Variants in EXT2 observed in about 807,000 individuals in gnomAD.
EXT2 encodes the protein exostosin glycosyltransferase 2, also known as exostosin-2.
A neutral mutation model predicts 81.6 loss-of-function variants in EXT2; 53 were observed. The observed-to-expected ratio is 0.65, with a 90% CI of 0.52 to 0.82. The LOEUF is 0.82. Ranked by LOEUF, EXT2 falls within the 40% of genes least tolerant of loss-of-function variation. EXT2 has a pLI of 0.00. For synonymous variants in EXT2, 320 were observed against 340.0 expected (o/e 0.94, Z 0.65); for missense variants, 774 against 910.2 (o/e 0.85, Z 1.93).
intron 8 of EXT2, among the ~76,000 whole-genome samples, chr11:44,180,350 A>T (rs2135147361): frequency 6.6e-6 from 1 of 152,210 alleles, no homozygotes; most frequent in South Asian, 2.1e-4. Flanking sequence ...GCATTATTAG[A>T]GCTGTATAAA....
intron 9 of EXT2, among the ~76,000 whole-genome samples, chr11:44,201,477 C>T (rs1230171298): frequency 6.6e-6 from 1 of 152,120 alleles, no homozygotes; most frequent in Non-Finnish European, 1.5e-5. Context: ...TCCCATTTTA[C>T]AAAAATAAGA....
intron 10 of EXT2, among the ~76,000 whole-genome samples, chr11:44,231,068 T>A (rs1955893162): frequency 1.3e-5 from 2 of 152,206 alleles, no homozygotes; most frequent in South Asian, 4.1e-4. Flanking sequence ...CAGAATACCC[T>A]AATATTCTTT....
At chr11:44,156,535 T>C (rs1046285211) in intron 7 of EXT2, among the ~76,000 whole-genome samples, 1 of 152,232 alleles carries the variant, frequency 6.6e-6, no homozygotes, top group African/African-American at 2.4e-5. Context: ...GAATGGAAAT[T>C]TTTAGCTCCA....
At chr11:44,160,143 G>C (rs1419051506) in intron 7 of EXT2, among the ~76,000 whole-genome samples, 1 of 152,184 alleles carries the variant, frequency 6.6e-6, no homozygotes, top group African/African-American at 2.4e-5. Context: ...GGAAGTGTGG[G>C]GATGCCCCCA....
At position 44,220,330 on chromosome 11, in the gene EXT2, T is replaced by C. The variant is rs1019525189; in HGVS notation, c.1663-12023T>C. On this transcript the variant is annotated intron_variant, in intron 10 of 13. Transcript: ENST00000533608. The surrounding 1 kb of genome is among the most constrained non-coding windows in gnomAD (Gnocchi z 4.4). ...GTGTGAGCTGTCTTTGAGCCTTGTG[T>C]ATATATCTGAGTAAGCAACAGTTCC... Among the ~76,000 whole-genome samples the C allele has an allele frequency of 2.6e-5, 4 of 152,182 alleles. No individual in the cohort carries two copies. The highest frequency in any genetic ancestry group is 4.8e-5 in the African/African-American group (2 of 41,438).
chr11:44,107,245 G>A lies in EXT2; in HGVS notation c.-30-438G>A, dbSNP rs150463435. 6.8e-3 allele frequency among the ~76,000 whole-genome samples: 1,041 copies of A among 152,070 alleles called. 9 individuals carry two copies. The highest frequency in any genetic ancestry group is 0.023 in the African/African-American group (959 of 41,488). On this transcript the variant is annotated intron_variant, in intron 1 of 13. Coordinates refer to ENST00000533608, the MANE Select transcript of EXT2 (RefSeq NM_207122.2). ...ATATTTCTAAATGTTTATAAGAAGT[G>A]TCCAAAGTCCCTTTTTGTTATTTCA...
In EXT2 at chr11:44,250,705, C is replaced by A. The variant is rs1470725567; in HGVS notation, c.*6418C>A. 6.6e-6 allele frequency among the ~76,000 whole-genome samples: 1 copy of A among 152,176 alleles called. No individual in the cohort carries two copies. Among genetic ancestry groups the A allele is most frequent in the Non-Finnish European group, 1.5e-5 (1 of 68,038 alleles). On this transcript the variant is annotated 3_prime_UTR_variant, in exon 14 of 14. Transcript: ENST00000533608. Reference sequence around the variant, plus strand: ...CTCTTTTGAGGAGTCCAGAGAGCGTCCATCCGGTGCCTGGTGAGGGCCCTG... The same window carrying A: ...CTCTTTTGAGGAGTCCAGAGAGCGTACATCCGGTGCCTGGTGAGGGCCCTG...
At chr11:44,177,197 G>A (rs999046077) in intron 8 of EXT2, among the ~76,000 whole-genome samples, 1 of 152,174 alleles carries the variant, frequency 6.6e-6, no homozygotes, top group Admixed American at 6.5e-5. Context: ...CCAAGTTAAG[G>A]TTCTTTATTA....
At chr11:44,181,107 A>G (rs1451829991) in intron 8 of EXT2, among the ~76,000 whole-genome samples, 1 of 152,190 alleles carries the variant, frequency 6.6e-6, no homozygotes, top group East Asian at 1.9e-4. Context: ...TCTCAAAAAA[A>G]AAAAAAGTTT....
intron 8 of EXT2, among the ~76,000 whole-genome samples, chr11:44,181,317 G>T (rs1028537562): frequency 5.9e-5 from 9 of 151,994 alleles, no homozygotes; most frequent in African/African-American, 2.2e-4. Context: ...CAAATTCTGT[G>T]TTCTAAAATT....
At chr11:44,176,608 G>A (rs534627123) in intron 8 of EXT2, among the ~76,000 whole-genome samples, 1 of 152,270 alleles carries the variant, frequency 6.6e-6, no homozygotes, top group South Asian at 2.1e-4. Flanking sequence ...CTGATGGGAG[G>A]CCTGAATAGC....
At chr11:44,209,180 G>C (rs1303507900) in intron 10 of EXT2, among the ~76,000 whole-genome samples, 1 of 152,238 alleles carries the variant, frequency 6.6e-6, no homozygotes, top group Non-Finnish European at 1.5e-5. Flanking sequence ...CACATGGAAA[G>C]TGGGATTCCC....
intron 8 of EXT2, among the ~76,000 whole-genome samples, chr11:44,174,076 A>C (rs892408342): frequency 6.6e-6 from 1 of 152,186 alleles, no homozygotes; most frequent in Non-Finnish European, 1.5e-5. Flanking sequence ...CTAGTTCTCC[A>C]TGTCTTCAGC....
chr11:44,108,306 C>CTA, intron 2 of EXT2, 58 bp downstream of exon 2: 1 of 1,565,666 alleles, frequency 6.4e-7, no homozygotes. Flanking sequence ...CCTCAGGGAA[C>CTA]TAAAGGGAAG....
chr11:44,098,112 A>T (rs1286953221), intron 1 of EXT2, among the ~76,000 whole-genome samples: 5 of 152,016 alleles, frequency 3.3e-5, no homozygotes, highest in Non-Finnish European at 5.9e-5. Flanking sequence ...GTATGGAATA[A>T]ACCTTCATTA....
At chr11:44,186,714 A>G (rs1955315854) in intron 8 of EXT2, among the ~76,000 whole-genome samples, 1 of 152,220 alleles carries the variant, frequency 6.6e-6, no homozygotes, top group South Asian at 2.1e-4. Flanking sequence ...AAATTCCTAA[A>G]CTGCACGTTT....
Position 44,108,124 on chromosome 11 carries a change from T to G in EXT2, c.412T>G (p.Ser138Ala), listed in dbSNP as rs200863207. 4.3e-6 allele frequency: 7 copies of G among 1,614,154 alleles called. No homozygotes were observed. In the African/African-American group the frequency reaches 8.0e-5, roughly 18 times the overall value. Residue 138 changes from serine to alanine, a missense_variant, in exon 2 of 14, where the codon TCA (serine) becomes GCA (alanine). Physicochemically the swap from Ser to Ala is moderately conservative, Grantham distance 99. Around this residue, in one of 2 missense-constraint regions of EXT2, gnomAD observed 626 missense variants for 670.5 expected, o/e 0.93. Coordinates refer to ENST00000533608, the MANE Select transcript of EXT2 (RefSeq NM_207122.2). The part of the protein sequence containing the change: ...REYNELLMAI[S>A]DSDYYTDDIN... ...GTATAATGAACTGCTCATGGCCATCTCAGACAGTGACTACTACACTGATGA... is the reference window on the plus strand; with the variant it reads ...GTATAATGAACTGCTCATGGCCATCGCAGACAGTGACTACTACACTGATGA...
At chr11:44,232,557 A>G in intron 11 of EXT2, 61 bp downstream of exon 11, 1 of 1,599,584 alleles carries the variant, frequency 6.3e-7, no homozygotes. Flanking sequence ...ATTTTATTTG[A>G]CCCAATTTAA....
chr11:44,135,854 A>T (rs1166229513), intron 7 of EXT2, among the ~76,000 whole-genome samples: 2 of 152,234 alleles, frequency 1.3e-5, no homozygotes, highest in Non-Finnish European at 2.9e-5. Context: ...TCTGACATCC[A>T]AATAAGTCTT....
Sources: allele counts gnomAD v4.1 joint callset (sites outside exome capture counted in the v4.1 genomes callset), GRCh38; gene constraint gnomAD v4.1.1; regional missense constraint gnomAD v4.1.1; non-coding constraint Gnocchi (gnomAD v3.1); transcripts MANE v1.5; gene names NCBI Gene and HGNC (gene_info 2026-07-23, HGNC 2026-07-21).